C2CD5: variants seen among roughly 807,000 people sequenced by gnomAD.
C2CD5 encodes the protein C2 calcium dependent domain containing 5.
In C2CD5, 109 loss-of-function variants were observed where a neutral mutation model predicts 130.3. The ratio of observed to expected loss-of-function variants is 0.84; its 90% confidence interval spans 0.72 to 0.98. The LOEUF (loss-of-function observed/expected upper bound fraction) is 0.98, where lower values mean the gene tolerates loss of function less well. Ranked by LOEUF, C2CD5 falls within the 50% of genes least tolerant of loss-of-function variation. The pLI, the probability that C2CD5 is intolerant of heterozygous loss-of-function variation, is 0.00. For synonymous variants in C2CD5, 454 were observed against 429.2 expected (o/e 1.06, Z -0.71); for missense variants, 996 against 1,261.8 (o/e 0.79, Z 3.19).
intron 10 of C2CD5, among the ~76,000 whole-genome samples, chr12:22,499,777 C>T (rs1425948477): frequency 6.6e-6 from 1 of 152,228 alleles, no homozygotes; most frequent in Non-Finnish European, 1.5e-5. Flanking sequence ...GCAACACTCA[C>T]CTGCCTGGCA....
chr12:22,499,821 A>G (rs1218148252), intron 10 of C2CD5, among the ~76,000 whole-genome samples: 1 of 152,248 alleles, frequency 6.6e-6, no homozygotes, highest in Non-Finnish European at 1.5e-5. Flanking sequence ...CAGAAACATA[A>G]GCAGCATGAT....
Position 22,470,859 on chromosome 12 carries a change from G to A in C2CD5, c.2411C>T (p.Thr804Ile). 2 of 1,612,260 alleles carry A rather than the reference G, an allele frequency of 1.2e-6. No individual in the cohort carries two copies. Among genetic ancestry groups the A allele is most frequent in the East Asian group, 2.2e-5 (1 of 44,822 alleles). ...ITFDKNQALQTTKTPVEKSLQ... is the reference protein window; with the variant it reads ...ITFDKNQALQITKTPVEKSLQ... The stretch of plus-strand genomic sequence containing the variant: ...TGACTTTTCAACAGGGGTTTTTGTG[G>A]TTTGTAAAGCCTGATTTTTGTCAAA... Residue 804 changes from threonine (T) to isoleucine (I), a missense_variant, in exon 21 of 27, where the codon ACC (threonine) becomes ATC (isoleucine). Thr to Ile is a moderately conservative substitution (Grantham distance 89). Transcript: ENST00000446597.
intron 22 of C2CD5, among the ~76,000 whole-genome samples, chr12:22,468,728 A>G (rs1454775454): frequency 6.6e-6 from 1 of 152,216 alleles, no homozygotes; most frequent in East Asian, 1.9e-4. Context: ...AAAGTTCAGA[A>G]TCTGGAAGCA....
At chr12:22,493,134 C>G in intron 11 of C2CD5, 89 bp downstream of exon 11, 2 of 744,424 alleles carry the variant, frequency 2.7e-6, no homozygotes, top group Admixed American at 4.6e-5. Context: ...CTTCGCTATT[C>G]TCTTTTCTTT....
At chr12:22,478,864 G>A (rs1353831611) in intron 14 of C2CD5, among the ~76,000 whole-genome samples, 4 of 148,640 alleles carry the variant, frequency 2.7e-5, no homozygotes, top group Admixed American at 6.7e-5. Context: ...GAAAAAAAGG[G>A]AAAAAAAAAC....
At chr12:22,498,054 C>T (rs1288794884) in intron 10 of C2CD5, among the ~76,000 whole-genome samples, 1 of 151,932 alleles carries the variant, frequency 6.6e-6, no homozygotes, top group Non-Finnish European at 1.5e-5. Context: ...TATCTACTTC[C>T]TGAAAACCTT....
chr12:22,531,675 G>A (rs1231446890), intron 3 of C2CD5, among the ~76,000 whole-genome samples: 2 of 152,290 alleles, frequency 1.3e-5, no homozygotes, highest in Middle Eastern at 3.4e-3. Flanking sequence ...GCTACTGGGA[G>A]GTTAAGAATA....
intron 25 of C2CD5, among the ~76,000 whole-genome samples, chr12:22,455,846 G>A (rs1411175532): frequency 1.3e-5 from 2 of 151,958 alleles, no homozygotes; most frequent in African/African-American, 2.4e-5. Context: ...CACCATGCCC[G>A]GCTAATTTTT....
At chr12:22,478,864 G>GA (rs144707715) in intron 14 of C2CD5, among the ~76,000 whole-genome samples, 21,016 of 148,648 alleles carry the variant, frequency 0.14, 1,905 homozygotes, top group Non-Finnish European at 0.22. Context: ...GAAAAAAAGG[G>GA]AAAAAAAAAC....
intron 3 of C2CD5, among the ~76,000 whole-genome samples, chr12:22,532,425 A>G (rs1334712497): frequency 6.6e-6 from 1 of 152,150 alleles, no homozygotes; most frequent in East Asian, 1.9e-4. Flanking sequence ...CCACCTCAAT[A>G]CTACTCTGGA....
intron 3 of C2CD5, among the ~76,000 whole-genome samples, chr12:22,534,078 C>T (rs1951583496): frequency 6.6e-6 from 1 of 152,156 alleles, no homozygotes; most frequent in Non-Finnish European, 1.5e-5. Flanking sequence ...ATCCCAGCTA[C>T]TAGGGAGGCT....
chr12:22,502,259 T>A (rs1230967993), intron 10 of C2CD5, among the ~76,000 whole-genome samples: 1 of 152,082 alleles, frequency 6.6e-6, no homozygotes, highest in Non-Finnish European at 1.5e-5. Context: ...GGAACACTTC[T>A]AGAATTATAA....
chr12:22,452,521 C>T (rs904383326), intron 26 of C2CD5, among the ~76,000 whole-genome samples: 2 of 152,108 alleles, frequency 1.3e-5, no homozygotes, highest in African/African-American at 4.8e-5. Flanking sequence ...AGATATGCCC[C>T]AATTATCTAC....
In C2CD5 at chr12:22,449,522, T is replaced by TAA. The variant is rs1938062715; in HGVS notation, c.*236_*237dup. On this transcript the variant is annotated 3_prime_UTR_variant, in exon 27 of 27. Transcript: ENST00000446597. Reference sequence around the variant, plus strand: ...GGTTCCATCTTTGCTACGGTTCTTTTAAAAATTTATCTTAACTTACTGAAG... The same window carrying TAA: ...GGTTCCATCTTTGCTACGGTTCTTTTAAAAAAATTTATCTTAACTTACTGAAG... 2.9e-6 allele frequency: 1 copy of TAA among 343,478 alleles called. No individual in the cohort carries two copies. Among genetic ancestry groups the TAA allele is most frequent in the Admixed American group, 4.5e-5 (1 of 21,982 alleles). The allele number at this position is 343,478 out of a possible 1,614,324, so 21.3% of individuals were successfully genotyped here.
intron 12 of C2CD5, among the ~76,000 whole-genome samples, chr12:22,488,702 C>T (rs561068932): frequency 6.6e-6 from 1 of 152,102 alleles, no homozygotes; most frequent in Admixed American, 6.6e-5. Flanking sequence ...CCCACCTTCA[C>T]TTTCCTATTT....
At chr12:22,492,454 G>A (rs1946472344) in intron 11 of C2CD5, among the ~76,000 whole-genome samples, 1 of 152,140 alleles carries the variant, frequency 6.6e-6, no homozygotes, top group Non-Finnish European at 1.5e-5. Context: ...AAAATTTTAA[G>A]GCGGAACAGT....
chr12:22,526,878 A>G (rs1381287791), intron 4 of C2CD5, among the ~76,000 whole-genome samples: 2 of 152,200 alleles, frequency 1.3e-5, no homozygotes, highest in East Asian at 3.9e-4. Context: ...TAATTTACCT[A>G]CTAAAATATT....
At chr12:22,512,630 AT>A in intron 9 of C2CD5, 3 of 1,475,060 alleles carry the variant, frequency 2.0e-6, no homozygotes, top group Non-Finnish European at 2.7e-6. Context: ...GCTCTCACAC[AT>A]TTTTCAGAAA....
At chr12:22,492,494 T>C (rs925526) in intron 11 of C2CD5, among the ~76,000 whole-genome samples, 90 of 152,172 alleles carry the variant, frequency 5.9e-4, no homozygotes, top group African/African-American at 1.6e-3. Context: ...CAAAATATGG[T>C]TGAAAGTTAA....
Sources: gnomAD v4.1 joint callset for allele counts (sites outside exome capture counted in the v4.1 genomes callset) on GRCh38, gnomAD v4.1.1 for gene constraint, MANE v1.5 for transcripts, NCBI Gene and HGNC (gene_info 2026-07-23, HGNC 2026-07-21) for gene names.